Variants in IL37 observed in about 807,000 individuals in gnomAD.
IL37 encodes interleukin 37.
A neutral mutation model predicts 15.4 loss-of-function variants in IL37; 15 were observed. That is an observed-to-expected ratio of 0.98 (90% confidence interval 0.65 to 1.50). The LOEUF is 1.50. Ranked by LOEUF, IL37 falls within the 40% of genes most tolerant of loss-of-function variation. The probability of loss-of-function intolerance (pLI) is 0.00; values close to 1 mark genes in which losing one functional copy is unlikely to be tolerated. For synonymous variants in IL37, 98 were observed against 97.4 expected (o/e 1.01, Z -0.03); for missense variants, 269 against 261.7 (o/e 1.03, Z -0.19).
chr2:112,917,086 C>G, intron 3 of IL37, 43 bp from the exon 4 acceptor site: 2 of 1,606,594 alleles, frequency 1.2e-6, no homozygotes, highest in Non-Finnish European at 1.7e-6. Flanking sequence ...CTGAGTCTTC[C>G]ATTTTCAATG....
intron 3 of IL37, among the ~76,000 whole-genome samples, chr2:112,916,099 G>A (rs1370127485): frequency 6.6e-6 from 1 of 152,192 alleles, no homozygotes; most frequent in Non-Finnish European, 1.5e-5. Flanking sequence ...CCCAGGCAGA[G>A]GCCATGTGCT....
At chr2:112,911,850 A>AT (rs1683185435) in intron 1 of IL37, among the ~76,000 whole-genome samples, 2 of 151,986 alleles carry the variant, frequency 1.3e-5, no homozygotes, top group Admixed American at 1.3e-4. Flanking sequence ...AGCGCCTCCA[A>AT]TTTTTTGTGT....
Position 112,918,798 on chromosome 2 carries a change from G to C in IL37, c.646G>C (p.Val216Leu), listed in dbSNP as rs1482825634. The C allele has an allele frequency of 6.2e-7, 1 of 1,612,440 alleles. No homozygotes were observed. The highest frequency in any genetic ancestry group is 1.7e-5 in the Admixed American group (1 of 59,972). The change falls in exon 6 of 6, where the codon GTC becomes CTC. Residue 216 changes from valine to leucine, a missense_variant. Physicochemically the swap from Val to Leu is conservative, Grantham distance 32. Coordinates refer to ENST00000263326, the MANE Select transcript of IL37 (RefSeq NM_014439.4). ...CAAAGCTGAAATGAGCCCCAGTGAG[G>C]TCAGCGATTAGGAAACTGCCCCATT... Reference protein sequence around the residue: ...VCKAEMSPSEVSD With the variant: ...VCKAEMSPSELSD
intron 3 of IL37, among the ~76,000 whole-genome samples, chr2:112,914,737 G>A (rs144777694): frequency 6.6e-4 from 100 of 152,278 alleles, no homozygotes; most frequent in African/African-American, 2.3e-3. Context: ...CCTCTCTGTC[G>A]GGCCTGTCCT....
chr2:112,912,340 G>A (rs1683195211), intron 1 of IL37, among the ~76,000 whole-genome samples: 1 of 152,136 alleles, frequency 6.6e-6, no homozygotes, highest in African/African-American at 2.4e-5. Context: ...AGTCACGTGA[G>A]TCAATCCTAC....
chr2:112,912,920 G>A (rs1217195331), intron 1 of IL37, 43 bp from the exon 2 acceptor site: 2 of 872,394 alleles, frequency 2.3e-6, no homozygotes, highest in African/African-American at 1.8e-5. Flanking sequence ...AGGTGTCCTG[G>A]GGTGAGAAGA....
chr2:112,915,648 G>T (rs940649613), intron 3 of IL37, among the ~76,000 whole-genome samples: 1 of 152,220 alleles, frequency 6.6e-6, no homozygotes, highest in Non-Finnish European at 1.5e-5. Context: ...AACTCAGACT[G>T]CCTGGGATGG....
chr2:112,913,990 C>G (rs1683242779), intron 3 of IL37, 136 bp downstream of exon 3: 9 of 692,698 alleles, frequency 1.3e-5, no homozygotes, highest in Non-Finnish European at 1.7e-5. Flanking sequence ...GGGCTGAAGT[C>G]TTTCCTTTGT....
intron 3 of IL37, among the ~76,000 whole-genome samples, chr2:112,916,241 C>T (rs1487704462): frequency 2.0e-5 from 3 of 152,302 alleles, no homozygotes; most frequent in Non-Finnish European, 2.9e-5. Flanking sequence ...TGCCATTTTC[C>T]AGCCACCCAC....
rs781731831 is a variant in IL37 at position 112,913,899 on chromosome 2, G to T, written c.145+45G>T. 20 of 1,489,884 alleles carry T rather than the reference G, an allele frequency of 1.3e-5. No individual in the cohort carries two copies. The Admixed American group carries it at 3.4e-4, about 25-fold the overall frequency. The allele number at this position is 1,489,884 out of a possible 1,614,324, so 92.3% of individuals were successfully genotyped here. ...TGATGGGGGTGGCTGAGGTGCGAGG[G>T]TGGGGATGGGGGATGGAGCCATTGG... On this transcript the variant is annotated intron_variant, in intron 3 of 5. Transcript: ENST00000263326.
intron 5 of IL37, 35 bp downstream of exon 5, chr2:112,917,812 C>T (rs2723188): frequency 3.7e-6 from 6 of 1,612,108 alleles, no homozygotes; most frequent in Non-Finnish European, 4.2e-6. Flanking sequence ...GGGCCTTTGG[C>T]TACCCCAAAG....
intron 2 of IL37, 23 bp from the exon 3 acceptor site, chr2:112,913,769 A>C (rs1201648953): frequency 1.2e-6 from 2 of 1,607,810 alleles, no homozygotes; most frequent in African/African-American, 2.7e-5. Context: ...TGCATATGCT[A>C]ACCTCACTGC....
In IL37 at chr2:112,918,111, C is replaced by T. The variant is rs555917796; in HGVS notation, c.408+334C>T. Among the ~76,000 whole-genome samples, 197 of 152,324 alleles carry T rather than the reference C, an allele frequency of 1.3e-3. 1 individual carries two copies. Among genetic ancestry groups the T allele is most frequent in the Middle Eastern group, 0.01 (3 of 294 alleles). On this transcript the variant is annotated intron_variant, in intron 5 of 5. Transcript: ENST00000263326. ...GGCAAGCAACACAATTGGGCCAGGA[C>T]CCTGGCGTGCTGCTGTAGGGTAGGA...
At chr2:112,916,834 A>G (rs1156867141) in intron 3 of IL37, among the ~76,000 whole-genome samples, 3 of 152,172 alleles carry the variant, frequency 2.0e-5, no homozygotes, top group African/African-American at 4.8e-5. Flanking sequence ...CTTTCATTTC[A>G]CAGATGAGGA....
At chr2:112,914,282 A>T (rs1310818018) in intron 3 of IL37, among the ~76,000 whole-genome samples, 2 of 152,174 alleles carry the variant, frequency 1.3e-5, no homozygotes, top group African/African-American at 4.8e-5. Flanking sequence ...CCATTTGAAC[A>T]CCACAACACC....
intron 3 of IL37, chr2:112,915,096 A>C: frequency 9.0e-7 from 1 of 1,107,260 alleles, no homozygotes; most frequent in Non-Finnish European, 1.4e-6. Flanking sequence ...TCACACCTTC[A>C]GAGTGGCCTT....
Position 112,913,760 on chromosome 2 carries a change from G to C in IL37, c.83-32G>C, listed in dbSNP as rs780289397. ...CCTAAATCCTTGGAAAATCCGAATTGCATATGCTAACCTCACTGCGTCTGA... is the reference window on the plus strand; with the variant it reads ...CCTAAATCCTTGGAAAATCCGAATTCCATATGCTAACCTCACTGCGTCTGA... On this transcript the variant is annotated intron_variant, in intron 2 of 5. Transcript: ENST00000263326. 57 of 1,594,654 alleles carry C rather than the reference G, an allele frequency of 3.6e-5. 1 individual carries two copies. The Middle Eastern group carries it at 1.0e-3, about 28-fold the overall frequency.
chr2:112,918,586 C>G lies in IL37; in HGVS notation c.434C>G (p.Ala145Gly). The G allele has an allele frequency of 6.2e-7, 1 of 1,612,348 alleles. No individual in the cohort carries two copies. Among genetic ancestry groups the G allele is most frequent in the Non-Finnish European group, 8.5e-7 (1 of 1,179,562 alleles). The change falls in exon 6 of 6, where the codon GCC (alanine) becomes GGC (glycine). Residue 145 changes from alanine to glycine, a missense_variant. By Grantham distance (60) the Ala-to-Gly change is moderately conservative. Coordinates refer to ENST00000263326, the MANE Select transcript of IL37 (RefSeq NM_014439.4). ...AAGGAGAAACTGATGAAGCTGGCTG[C>G]CCAAAAGGAATCAGCACGCCGGCCC... ...LKKEKLMKLAAQKESARRPFI... is the reference protein window; with the variant it reads ...LKKEKLMKLAGQKESARRPFI...
At position 112,917,619 on chromosome 2, in the gene IL37, G is replaced by A. The variant is rs781579437; in HGVS notation, c.266-16G>A. On this transcript the variant is annotated splice_polypyrimidine_tract_variant and intron_variant, in intron 4 of 5. Transcript: ENST00000263326. ...TGCTCTCAGAACCCACACATGTTCTGACTGTCTTTTTCCAGAGATCTTCTT... is the reference window on the plus strand; with the variant it reads ...TGCTCTCAGAACCCACACATGTTCTAACTGTCTTTTTCCAGAGATCTTCTT... The A allele has an allele frequency of 1.3e-6, 2 of 1,551,670 alleles. No homozygotes were observed. The highest frequency in any genetic ancestry group is 1.7e-6 in the Non-Finnish European group (2 of 1,151,514).
Sources: gnomAD v4.1 joint callset for allele counts (sites outside exome capture counted in the v4.1 genomes callset) on GRCh38, gnomAD v4.1.1 for gene constraint, MANE v1.5 for transcripts, NCBI Gene and HGNC (gene_info 2026-07-23, HGNC 2026-07-21) for gene names.